Variants in ZNF737 observed in about 807,000 individuals in gnomAD.
ZNF737 encodes zinc finger protein 737.
Under a neutral mutation model 11.7 loss-of-function variants are expected in ZNF737, and 13 were observed. The ratio of observed to expected loss-of-function variants is 1.11; its 90% CI spans 0.73 to 1.77. ZNF737 has a LOEUF of 1.77. Ranked by LOEUF, ZNF737 falls within the 40% of genes most tolerant of loss-of-function variation. The probability of loss-of-function intolerance (pLI) is 0.00; values close to 1 mark genes in which losing one functional copy is unlikely to be tolerated. For missense variants in ZNF737, 636 were observed against 638.0 expected, an observed-to-expected ratio of 1.00 and a Z score of 0.03; for synonymous variants, 217 against 216.2, an observed-to-expected ratio of 1.00 and a Z score of -0.03.
Position 20,539,255 on chromosome 19 carries a change from AGTGCAGC to A in ZNF737, c.*5330_*5336del. 2 of 918,442 alleles carry A rather than the reference AGTGCAGC, an allele frequency of 2.2e-6. No individual in the cohort carries two copies. The highest frequency in any genetic ancestry group is 2.6e-6 in the Non-Finnish European group (2 of 768,966). 56.9% of individuals were successfully genotyped at this position (918,442 alleles called of 1,614,324 possible). A position where few individuals can be genotyped will look rare whatever the true frequency, so the allele number is the denominator to read the frequency against. ...CAGTGAGCTGAGCACGTACCATTGCAGTGCAGCGTGAGTGACAGAGTGAGAATCCTTC... is the reference window on the plus strand; with the variant it reads ...CAGTGAGCTGAGCACGTACCATTGCAGTGAGTGACAGAGTGAGAATCCTTC... On this transcript the variant is annotated 3_prime_UTR_variant, in exon 4 of 4. Transcript: ENST00000427401.
chr19:20,556,482 G>A (rs982571565), intron 1 of ZNF737, among the ~76,000 whole-genome samples: 3 of 152,160 alleles, frequency 2.0e-5, no homozygotes, highest in Non-Finnish European at 4.4e-5. Context: ...AATTCACTTG[G>A]TAATTTTAGC....
In ZNF737 at chr19:20,543,188, A is replaced by G. The variant is rs1276323752; in HGVS notation, c.*1404T>C. ...TAGCATAAACTCTCTGTTGTTTTCT[A>G]AGCTGTAGTTTCTGGGGAAAAAAAA... On this transcript the variant is annotated 3_prime_UTR_variant, in exon 4 of 4. Coordinates refer to ENST00000427401, the MANE Select transcript of ZNF737 (RefSeq NM_001159293.2). 18 of 981,012 alleles carry G rather than the reference A, an allele frequency of 1.8e-5. No homozygotes were observed. The highest frequency in any genetic ancestry group is 2.1e-5 in the Non-Finnish European group (17 of 826,660). 60.8% of individuals were successfully genotyped at this position (981,012 alleles called of 1,614,324 possible).
At position 20,541,905 on chromosome 19, in the gene ZNF737, G is replaced by A. The variant is rs1968221040; in HGVS notation, c.*2687C>T. 4.0e-6 allele frequency: 2 copies of A among 494,136 alleles called. No homozygotes were observed. The highest frequency in any genetic ancestry group is 5.2e-6 in the Non-Finnish European group (2 of 381,704). The allele number at this position is 494,136 out of a possible 1,614,324, so 30.6% of individuals were successfully genotyped here. A position where few individuals can be genotyped will look rare whatever the true frequency, so the allele number is the denominator to read the frequency against. Reference sequence around the variant, plus strand: ...TACCATAATGTAATTACTACATATTGTAGGCCTGAGTCAAAAGATGCCATA... The same window carrying A: ...TACCATAATGTAATTACTACATATTATAGGCCTGAGTCAAAAGATGCCATA... On this transcript the variant is annotated 3_prime_UTR_variant, in exon 4 of 4. Transcript: ENST00000427401.
At position 20,543,094 on chromosome 19, in the gene ZNF737, GA is replaced by G. The variant is rs1555755472; in HGVS notation, c.*1497del. 2.1e-6 allele frequency: 2 copies of G among 963,144 alleles called. No individual in the cohort carries two copies. Among genetic ancestry groups the G allele is most frequent in the African/African-American group, 3.5e-5 (2 of 56,612 alleles). The allele number at this position is 963,144 out of a possible 1,614,324, so 59.7% of individuals were successfully genotyped here. ...TAGTTATTCTACTGTAAACTCTCTT[GA>G]TATTTATATACAATCTATTTTGAAT... is the stretch of plus-strand genomic sequence containing the variant. On this transcript the variant is annotated 3_prime_UTR_variant, in exon 4 of 4. Transcript: ENST00000427401.
rs550016638 is a variant in ZNF737, at chr19:20,540,897, C to T, written c.*3695G>A. ...CTGGCTTAAATTATTTTTTATGCAC[C>T]ATTTATACATTCACACACACATAGA... On this transcript the variant is annotated 3_prime_UTR_variant, in exon 4 of 4. Transcript: ENST00000427401. 1 of 963,978 alleles carries T rather than the reference C, an allele frequency of 1.0e-6. No homozygotes were observed. Among genetic ancestry groups the T allele is most frequent in the East Asian group, 1.2e-4 (1 of 8,688 alleles). The allele number at this position is 963,978 out of a possible 1,614,324, so 59.7% of individuals were successfully genotyped here. A position where few individuals can be genotyped will look rare whatever the true frequency, so the allele number is the denominator to read the frequency against.
chr19:20,553,604 T>C (rs1388549945), intron 2 of ZNF737, 105 bp downstream of exon 2: 6 of 1,194,198 alleles, frequency 5.0e-6, no homozygotes, highest in African/African-American at 3.1e-5. Context: ...AAAAAGTGGA[T>C]CTGAAACTCT....
In ZNF737 at chr19:20,542,265, G is replaced by A; in HGVS notation, c.*2327C>T. On this transcript the variant is annotated 3_prime_UTR_variant, in exon 4 of 4. Transcript: ENST00000427401. ...TTTTTTGAGACAGAGTTTTGCTCTT[G>A]TTGCCCAGACTGGAGTGCAATCGCA... 1.1e-6 allele frequency: 1 copy of A among 899,794 alleles called. No individual in the cohort carries two copies. The highest frequency in any genetic ancestry group is 5.8e-4 in the Middle Eastern group (1 of 1,726). 55.7% of individuals were successfully genotyped at this position (899,794 alleles called of 1,614,324 possible). A position where few individuals can be genotyped will look rare whatever the true frequency, so the allele number is the denominator to read the frequency against.
chr19:20,538,147 CT>C lies in ZNF737; in HGVS notation c.*6444del. The stretch of plus-strand genomic sequence containing the variant: ...TACCTAATTATGAATAGTAACTTCT[CT>C]TAGAAGCAAAGTTTATTCAAAGACC... On this transcript the variant is annotated 3_prime_UTR_variant, in exon 4 of 4. Transcript: ENST00000427401. 2.4e-6 allele frequency: 1 copy of C among 422,280 alleles called. No individual in the cohort carries two copies. Among genetic ancestry groups the C allele is most frequent in the Non-Finnish European group, 3.2e-6 (1 of 315,224 alleles). 26.2% of individuals were successfully genotyped at this position (422,280 alleles called of 1,614,324 possible).
intron 3 of ZNF737, among the ~76,000 whole-genome samples, chr19:20,548,962 G>GAAAAAAAAAAAAAAAAAAAAAA (rs3047010): frequency 1.2e-5 from 1 of 86,442 alleles, no homozygotes; most frequent in Non-Finnish European, 2.0e-5. Context: ...AAGAAAAACT[G>GAAAAAAAAAAAAAAAAAAAAAA]AAAAAAAAAA....
intron 1 of ZNF737, among the ~76,000 whole-genome samples, chr19:20,560,579 G>A (rs1270021258): frequency 6.6e-6 from 1 of 152,058 alleles, no homozygotes; most frequent in Admixed American, 6.6e-5. Context: ...TCAGGAGTTC[G>A]AGACCAGCCT....
At chr19:20,535,302 TA>T (rs1429474343), downstream of ZNF737, among the ~76,000 whole-genome samples, 1 of 151,192 alleles carries the variant, frequency 6.6e-6, no homozygotes, top group African/African-American at 2.4e-5. Context: ...AACAACAAAA[TA>T]AAAGAGAAGG....
At chr19:20,558,487 G>GA (rs1331394073) in intron 1 of ZNF737, among the ~76,000 whole-genome samples, 1 of 151,794 alleles carries the variant, frequency 6.6e-6, no homozygotes, top group African/African-American at 2.4e-5. Context: ...TGGATTGTAG[G>GA]AAAAAAGACT....
Position 20,541,269 on chromosome 19 carries a change from ACACTC to A in ZNF737, c.*3318_*3322del. On this transcript the variant is annotated 3_prime_UTR_variant, in exon 4 of 4. Transcript: ENST00000427401. ...TGTACAAACCTATACTCACACAAAA[ACACTC>A]AATTCATAATTTTCTTACACCTCAG... is the stretch of plus-strand genomic sequence containing the variant. 5.1e-6 allele frequency: 5 copies of A among 984,660 alleles called. No individual in the cohort carries two copies. The highest frequency in any genetic ancestry group is 6.0e-6 in the Non-Finnish European group (5 of 829,228). The allele number at this position is 984,660 out of a possible 1,614,324, so 61.0% of individuals were successfully genotyped here.
At position 20,545,714 on chromosome 19, in the gene ZNF737, A is replaced by G. The variant is rs1272876312; in HGVS notation, c.489T>C (p.His163=). The G allele has an allele frequency of 6.2e-7, 1 of 1,612,930 alleles. No homozygotes were observed. The highest frequency in any genetic ancestry group is 8.5e-7 in the Non-Finnish European group (1 of 1,179,512). The change falls in exon 4 of 4, where the codon CAT becomes CAC. Residue 163 remains histidine (H), a synonymous_variant. Transcript: ENST00000427401. ...GTTTTTTTCCAGTATGTCTTATCTT[A>G]TGTCTGTTTGAATTTGAAAATTTAT... ...VIHKFSNSNR[H]KIRHTGKKPF...
intron 1 of ZNF737, among the ~76,000 whole-genome samples, chr19:20,556,057 A>T (rs548114092): frequency 1.3e-4 from 20 of 152,188 alleles, no homozygotes; most frequent in Non-Finnish European, 1.5e-5. Context: ...AGATGAAAAT[A>T]TAAGTTTCTC....
intron 1 of ZNF737, among the ~76,000 whole-genome samples, chr19:20,561,501 G>A (rs1393944564): frequency 6.6e-6 from 1 of 152,064 alleles, no homozygotes; most frequent in Non-Finnish European, 1.5e-5. Flanking sequence ...TGTCACCCTG[G>A]GAGAAGACCT....
At chr19:20,531,237 G>A (rs1387733575), downstream of ZNF737, among the ~76,000 whole-genome samples, 88 of 127,836 alleles carry the variant, frequency 6.9e-4, 1 homozygote, top group Non-Finnish European at 1.0e-3. Flanking sequence ...GGAGAGAGGG[G>A]AGAGGGGAGA....
chr19:20,548,988 G>C (rs1395930490), intron 3 of ZNF737, among the ~76,000 whole-genome samples: 1 of 69,740 alleles, frequency 1.4e-5, no homozygotes, highest in African/African-American at 7.0e-5. Context: ...AAACAATTAT[G>C]TATCTTTTTG....
In ZNF737 at chr19:20,544,482, T is replaced by G; in HGVS notation, c.*110A>C. On this transcript the variant is annotated 3_prime_UTR_variant, in exon 4 of 4. Transcript: ENST00000427401. The stretch of plus-strand genomic sequence containing the variant: ...TGTCTACTAAGGTTTGAGGATGAAA[T>G]AAAGGCTTTGCCACATTTATCACAC... The G allele has an allele frequency of 2.6e-6, 4 of 1,519,930 alleles. No homozygotes were observed. Among genetic ancestry groups the G allele is most frequent in the Non-Finnish European group, 3.5e-6 (4 of 1,142,308 alleles). 94.2% of individuals were successfully genotyped at this position (1,519,930 alleles called of 1,614,324 possible).
Sources: gnomAD v4.1 joint callset for allele counts (sites outside exome capture counted in the v4.1 genomes callset) on GRCh38, gnomAD v4.1.1 for gene constraint, MANE v1.5 for transcripts, NCBI Gene and HGNC (gene_info 2026-07-23, HGNC 2026-07-21) for gene names.